Variants in ALKBH1 observed in about 807,000 individuals in gnomAD.
ALKBH1 encodes the protein nucleic acid dioxygenase ALKBH1.
In ALKBH1, 31 loss-of-function variants were observed where a neutral mutation model predicts 36.6. The ratio of observed to expected loss-of-function variants is 0.85; its 90% CI spans 0.64 to 1.14. The LOEUF (loss-of-function observed/expected upper bound fraction) is 1.14. ALKBH1 is among the 50% of genes most tolerant of loss of function. The pLI is 0.00. For missense variants in ALKBH1, 490 were observed against 497.3 expected (o/e 0.99, Z 0.14); for synonymous variants, 183 against 186.6 (o/e 0.98, Z 0.16).
chr14:77,698,383 C>T (rs1009569076), intron 2 of ALKBH1, among the ~76,000 whole-genome samples: 1 of 152,200 alleles, frequency 6.6e-6, no homozygotes, highest in Non-Finnish European at 1.5e-5. Context: ...GAAATGAGAA[C>T]ATTTGCTTAT....
At chr14:77,693,067 G>T (rs2080306620) in intron 3 of ALKBH1, among the ~76,000 whole-genome samples, 1 of 151,886 alleles carries the variant, frequency 6.6e-6, no homozygotes, top group Non-Finnish European at 1.5e-5. Flanking sequence ...TTAGCCGGGT[G>T]TGGTGGCGCT....
chr14:77,693,794 C>T (rs987715931), intron 3 of ALKBH1, among the ~76,000 whole-genome samples: 3 of 152,112 alleles, frequency 2.0e-5, no homozygotes, highest in Non-Finnish European at 4.4e-5. Context: ...TGAGACCAGC[C>T]TGGCCAACAT....
At position 77,684,947 on chromosome 14, in the gene ALKBH1, AG is replaced by A. The variant is rs1304010196; in HGVS notation, c.456-4978del. The stretch of plus-strand genomic sequence containing the variant: ...CTTTGGAAATAATTCAAAAGGTGAC[AG>A]TATTTTAGACATTTGATATGGCCGC... On this transcript the variant is annotated intron_variant, in intron 3 of 5. Transcript: ENST00000216489. Among the ~76,000 whole-genome samples, 4 of 152,360 alleles carry A rather than the reference AG, an allele frequency of 2.6e-5. No individual in the cohort carries two copies. The South Asian group carries it at 8.3e-4, about 32-fold the overall frequency.
chr14:77,699,819 G>A (rs2080348857), intron 2 of ALKBH1, among the ~76,000 whole-genome samples: 1 of 152,128 alleles, frequency 6.6e-6, no homozygotes, highest in Admixed American at 6.6e-5. Context: ...ACTTTGGGAG[G>A]CAAGGAGGGC....
intron 3 of ALKBH1, among the ~76,000 whole-genome samples, chr14:77,690,723 G>C (rs1270486135): frequency 6.6e-6 from 1 of 151,910 alleles, no homozygotes; most frequent in Non-Finnish European, 1.5e-5. Context: ...TTACCTGGTC[G>C]CCTGTTGATG....
intron 1 of ALKBH1, among the ~76,000 whole-genome samples, chr14:77,705,219 C>T (rs971246526): frequency 6.6e-6 from 1 of 151,996 alleles, no homozygotes; most frequent in Non-Finnish European, 1.5e-5. Flanking sequence ...CCGAGACCAA[C>T]CTGGCCAACA....
intron 3 of ALKBH1, among the ~76,000 whole-genome samples, chr14:77,681,194 A>G (rs79962239): frequency 6.6e-6 from 1 of 152,302 alleles, no homozygotes; most frequent in East Asian, 1.9e-4. Context: ...TGTAATAGAA[A>G]GTCTAAGGAG....
intron 3 of ALKBH1, among the ~76,000 whole-genome samples, chr14:77,685,503 G>C (rs2080263120): frequency 6.6e-6 from 1 of 151,684 alleles, no homozygotes; most frequent in Non-Finnish European, 1.5e-5. Context: ...TGAGCTGGGC[G>C]TGGTGGCTCA....
chr14:77,681,958 G>A (rs1205539266), intron 3 of ALKBH1, among the ~76,000 whole-genome samples: 1 of 152,182 alleles, frequency 6.6e-6, no homozygotes, highest in African/African-American at 2.4e-5. Context: ...TGCTCCAGGT[G>A]CCTTTTCCCT....
intron 2 of ALKBH1, among the ~76,000 whole-genome samples, chr14:77,699,382 T>C (rs1431153809): frequency 6.6e-6 from 1 of 152,242 alleles, no homozygotes; most frequent in Non-Finnish European, 1.5e-5. Context: ...ATTAATGGAA[T>C]AATGATAAAG....
chr14:77,699,333 C>A (rs1275451489), intron 2 of ALKBH1, among the ~76,000 whole-genome samples: 1 of 152,194 alleles, frequency 6.6e-6, no homozygotes, highest in Non-Finnish European at 1.5e-5. Flanking sequence ...TACTTAACTA[C>A]TTTTCCTCTT....
At chr14:77,704,833 T>A (rs1317441057) in intron 1 of ALKBH1, among the ~76,000 whole-genome samples, 1 of 152,196 alleles carries the variant, frequency 6.6e-6, no homozygotes, top group Non-Finnish European at 1.5e-5. Flanking sequence ...AGAGCCTCAG[T>A]TTCTCATCTA....
intron 4 of ALKBH1, among the ~76,000 whole-genome samples, chr14:77,676,273 G>A (rs567066988): frequency 1.6e-4 from 24 of 151,878 alleles, no homozygotes; most frequent in Admixed American, 1.6e-3. Context: ...ATGAGCCACT[G>A]TGCCCGGTCT....
intron 3 of ALKBH1, among the ~76,000 whole-genome samples, chr14:77,681,117 T>C (rs1358403536): frequency 2.0e-5 from 3 of 152,114 alleles, no homozygotes; most frequent in Non-Finnish European, 1.5e-5. Flanking sequence ...TGTCCAAAAC[T>C]ATGGCTGTGT....
intron 2 of ALKBH1, among the ~76,000 whole-genome samples, chr14:77,700,784 A>C (rs1304687832): frequency 6.6e-6 from 1 of 152,078 alleles, no homozygotes; most frequent in Non-Finnish European, 1.5e-5. Context: ...TCTTCTTTTT[A>C]GTGGGTTAAA....
chr14:77,682,613 G>A (rs1445345092), intron 3 of ALKBH1, among the ~76,000 whole-genome samples: 2 of 152,182 alleles, frequency 1.3e-5, no homozygotes, highest in East Asian at 3.8e-4. Context: ...GGTAGTAAAA[G>A]ATGAAAGAAG....
At chr14:77,706,959 C>G (rs1455260107) in intron 1 of ALKBH1, among the ~76,000 whole-genome samples, 1 of 152,190 alleles carries the variant, frequency 6.6e-6, no homozygotes, top group Non-Finnish European at 1.5e-5. Context: ...TAAGGGACTG[C>G]ATATCCTCAA....
At chr14:77,694,101 A>G (rs184074424) in intron 3 of ALKBH1, among the ~76,000 whole-genome samples, 11 of 152,336 alleles carry the variant, frequency 7.2e-5, no homozygotes, top group African/African-American at 2.6e-4. Context: ...AAACCGCATC[A>G]TAACACTTTC....
At chr14:77,694,519 A>C (rs2080316177) in intron 3 of ALKBH1, among the ~76,000 whole-genome samples, 1 of 152,224 alleles carries the variant, frequency 6.6e-6, no homozygotes, top group African/African-American at 2.4e-5. Context: ...TATGATAAGC[A>C]AGTCTTTAAA....
Sources: gnomAD v4.1 joint callset for allele counts (sites outside exome capture counted in the v4.1 genomes callset) on GRCh38, gnomAD v4.1.1 for gene constraint, MANE v1.5 for transcripts, NCBI Gene and HGNC (gene_info 2026-07-23, HGNC 2026-07-21) for gene names.